ATXN2: variants seen among roughly 807,000 people sequenced by gnomAD.
The protein encoded by ATXN2 is ataxin-2.
A neutral mutation model predicts 138.6 loss-of-function variants in ATXN2; 37 were observed. That is an observed-to-expected ratio of 0.27 (90% CI 0.21 to 0.35). ATXN2 has a LOEUF of 0.35. Among genes scored for constraint, ATXN2 ranks in the 10% least tolerant of loss-of-function variants. ATXN2 has a pLI of 1.00. For synonymous variants in ATXN2, 549 were observed against 543.7 expected, an observed-to-expected ratio of 1.01 and a Z score of -0.13; for missense variants, 1,216 against 1,480.3, an observed-to-expected ratio of 0.82 and a Z score of 2.93.
At chr12:111,578,755 A>G (rs1883822542) in intron 1 of ATXN2, among the ~76,000 whole-genome samples, 1 of 152,126 alleles carries the variant, frequency 6.6e-6, no homozygotes, top group South Asian at 2.1e-4. Flanking sequence ...TAAAACCACA[A>G]TGAGGCCAGG....
In ATXN2 at chr12:111,598,949, G is replaced by GGCTGCTGTTGCT. The variant is rs1555246668; in HGVS notation, c.85_86insAGCAACAGCAGC (p.Gln25_Gln28dup). On this transcript the variant is annotated inframe_insertion, in exon 1 of 25. Transcript: ENST00000673436. The surrounding 1 kb of genome is among the most constrained non-coding windows in gnomAD (Gnocchi z 4.5). ...GCGGACATTGGCAGCCGCGGGCGGC[G>GGCTGCTGTTGCT]GCTGCTGCTGCTGCTGCTGCTGCTG... The GGCTGCTGTTGCT allele has an allele frequency of 1.1e-5, 15 of 1,411,994 alleles. No homozygotes were observed. The Admixed American group carries it at 3.2e-4, about 30-fold the overall frequency. 87.5% of individuals were successfully genotyped at this position (1,411,994 alleles called of 1,614,324 possible).
At chr12:111,553,397 A>G (rs1465043422) in intron 3 of ATXN2, among the ~76,000 whole-genome samples, 1 of 151,932 alleles carries the variant, frequency 6.6e-6, no homozygotes, top group African/African-American at 2.4e-5. Flanking sequence ...ATGTAATAGT[A>G]TTTGCATATA....
At position 111,452,824 on chromosome 12, in the gene ATXN2, TTGG is replaced by T. The variant is rs759576140; in HGVS notation, c.3453_3455del (p.His1151del). ...CTCCAGGGCAGCCTTACAACTGCTG[TTGG>T]TGGTGGGCTTGTACTGTAAAAAGAA... is the stretch of plus-strand genomic sequence containing the variant. On this transcript the variant is annotated inframe_deletion, in exon 25 of 25. Coordinates refer to ENST00000673436, the MANE Select transcript of ATXN2 (RefSeq NM_001372574.1). 6.2e-7 allele frequency: 1 copy of T among 1,613,904 alleles called. No homozygotes were observed. The highest frequency in any genetic ancestry group is 8.5e-7 in the Non-Finnish European group (1 of 1,179,876).
chr12:111,476,003 G>A (rs775482932), intron 18 of ATXN2, among the ~76,000 whole-genome samples: 6 of 152,222 alleles, frequency 3.9e-5, no homozygotes, highest in Admixed American at 6.5e-5. Context: ...CCAGGCTGGA[G>A]TACAGTGGTA....
intron 16 of ATXN2, among the ~76,000 whole-genome samples, chr12:111,486,161 G>A (rs1018069038): frequency 3.9e-5 from 6 of 152,102 alleles, no homozygotes; most frequent in Admixed American, 3.3e-4. Flanking sequence ...GATCTCAGTC[G>A]AATAATAACA....
At chr12:111,519,227 C>T (rs11065936) in intron 8 of ATXN2, among the ~76,000 whole-genome samples, 15,268 of 152,060 alleles carry the variant, frequency 0.1, 2,558 homozygotes, top group African/African-American at 0.35. Flanking sequence ...GTTTATTCAC[C>T]CCATCTCCTT....
chr12:111,480,679 C>T (rs975964526), intron 18 of ATXN2, among the ~76,000 whole-genome samples: 4 of 152,052 alleles, frequency 2.6e-5, no homozygotes, highest in African/African-American at 9.7e-5. Context: ...AATAAACAAA[C>T]AAACAATTTA....
rs190922977 is a variant in ATXN2, at chr12:111,587,401, T to C, written c.251+11383A>G. Reference sequence around the variant, plus strand: ...CTGGCCAGCCACGGTGCCTCACACATGTAATTAAAGCACTTTGGGAAAACT... The same window carrying C: ...CTGGCCAGCCACGGTGCCTCACACACGTAATTAAAGCACTTTGGGAAAACT... On this transcript the variant is annotated intron_variant, in intron 1 of 24. Coordinates refer to ENST00000673436, the MANE Select transcript of ATXN2 (RefSeq NM_001372574.1). Among the ~76,000 whole-genome samples the C allele has an allele frequency of 2.1e-3, 318 of 152,160 alleles. 2 individuals carry two copies. Among genetic ancestry groups the C allele is most frequent in the African/African-American group, 7.3e-3 (303 of 41,510 alleles).
At chr12:111,514,529 ATTTTT>A (rs2135734992) in intron 10 of ATXN2, among the ~76,000 whole-genome samples, 1 of 152,282 alleles carries the variant, frequency 6.6e-6, no homozygotes, top group Admixed American at 6.5e-5. Flanking sequence ...TTATTATTTT[ATTTTT>A]ATTTTTATAA....
intron 1 of ATXN2, among the ~76,000 whole-genome samples, chr12:111,565,540 C>T (rs1194582090): frequency 6.6e-6 from 1 of 152,038 alleles, no homozygotes; most frequent in African/African-American, 2.4e-5. Context: ...AATCAGTAAT[C>T]GTTGATGTTA....
upstream of ATXN2, chr12:111,599,649 C>G (rs1381926775): frequency 9.3e-6 from 10 of 1,080,738 alleles, no homozygotes; most frequent in African/African-American, 3.4e-5. Context: ...GAGGAGCGGG[C>G]GGCGCGCTGG....
At chr12:111,466,064 G>T (rs900416602) in intron 20 of ATXN2, among the ~76,000 whole-genome samples, 1 of 151,920 alleles carries the variant, frequency 6.6e-6, no homozygotes, top group Non-Finnish European at 1.5e-5. Flanking sequence ...TACTCAGGAG[G>T]CTGAGGCAGG....
intron 5 of ATXN2, among the ~76,000 whole-genome samples, chr12:111,538,916 G>GA (rs1360023145): frequency 6.7e-6 from 1 of 149,766 alleles, no homozygotes; most frequent in Non-Finnish European, 1.5e-5. Flanking sequence ...ACAAGAACAA[G>GA]AAAAAATATG....
At chr12:111,505,919 TCAAA>T (rs1476890828) in intron 14 of ATXN2, among the ~76,000 whole-genome samples, 4 of 152,082 alleles carry the variant, frequency 2.6e-5, no homozygotes, top group Non-Finnish European at 5.9e-5. Context: ...TTCAGAATAG[TCAAA>T]CAGTGAGAAC....
chr12:111,553,890 T>G (rs1882255335), intron 3 of ATXN2, among the ~76,000 whole-genome samples: 1 of 152,092 alleles, frequency 6.6e-6, no homozygotes, highest in African/African-American at 2.4e-5. Context: ...CGTGAGTCAC[T>G]GTGCCTGGCC....
At chr12:111,518,154 A>C (rs1879958015) in intron 9 of ATXN2, 95 bp downstream of exon 9, 1 of 1,129,272 alleles carries the variant, frequency 8.9e-7, no homozygotes, top group South Asian at 2.1e-5. Flanking sequence ...ATTAAAGTGC[A>C]CATTCATATC....
At chr12:111,566,297 T>C (rs951040126) in intron 1 of ATXN2, among the ~76,000 whole-genome samples, 8 of 151,786 alleles carry the variant, frequency 5.3e-5, no homozygotes, top group Non-Finnish European at 1.0e-4. Context: ...GTGGGCATGG[T>C]GGTGCATGCC....
intron 15 of ATXN2, among the ~76,000 whole-genome samples, chr12:111,487,505 G>A (rs1320582527): frequency 2.6e-5 from 4 of 151,970 alleles, no homozygotes; most frequent in Admixed American, 2.6e-4. Context: ...CTGTCACCCA[G>A]GCTGGAGTGC....
intron 16 of ATXN2, 67 bp downstream of exon 16, chr12:111,486,682 CAGGTATGGAAGA>C: frequency 1.7e-6 from 2 of 1,196,510 alleles, no homozygotes; most frequent in Non-Finnish European, 2.4e-6. Flanking sequence ...ATTCAGATGG[CAGGTATGGAAGA>C]AGGACTATTA....
Sources: allele counts gnomAD v4.1 joint callset (sites outside exome capture counted in the v4.1 genomes callset), GRCh38; gene constraint gnomAD v4.1.1; non-coding constraint Gnocchi (gnomAD v3.1); transcripts MANE v1.5; gene names NCBI Gene and HGNC (gene_info 2026-07-23, HGNC 2026-07-21).